Variants in IRF1 observed in about 807,000 individuals in gnomAD.
The protein encoded by IRF1 is interferon regulatory factor-1.
A neutral mutation model predicts 43.7 loss-of-function variants in IRF1; 13 were observed. That is an observed-to-expected ratio of 0.30 (90% CI 0.19 to 0.47). IRF1 has a LOEUF of 0.47. IRF1 is among the 20% of genes least tolerant of loss of function. The pLI, the probability that IRF1 is intolerant of heterozygous loss-of-function variation, is 0.99. For missense variants in IRF1, 236 were observed against 408.9 expected (o/e 0.58, Z 3.65); for synonymous variants, 138 against 146.8 (o/e 0.94, Z 0.43).
intron 7 of IRF1, chr5:132,486,045 A>G (rs1420396014): frequency 1.5e-6 from 1 of 675,012 alleles, no homozygotes; most frequent in African/African-American, 1.8e-5. Context: ...CCCTCCTCTC[A>G]CCAGCCCCCA....
intron 1 of IRF1, 155 bp from the exon 2 acceptor site, chr5:132,489,638 A>ACTGC (rs1156506535): frequency 3.3e-5 from 19 of 578,630 alleles, no homozygotes; most frequent in Non-Finnish European, 2.2e-5. Flanking sequence ...CTGGAATAAA[A>ACTGC]CTGCTCTCCA....
In IRF1 at chr5:132,484,365, CT is replaced by C; in HGVS notation, c.849del (p.Asp286IlefsTer4). ...SCKEEPEIDS[P>X]GGDIGLSLQR... Reference sequence around the variant, plus strand: ...TAAGGATCCAGGGCCTTCTTACCCCCTGGGCTGTCAATTTCTGGCTCCTCCT... The same window carrying C: ...TAAGGATCCAGGGCCTTCTTACCCCCGGGCTGTCAATTTCTGGCTCCTCCT... On this transcript the variant is annotated frameshift_variant, in exon 9 of 10. Coordinates refer to ENST00000245414, the MANE Select transcript of IRF1 (RefSeq NM_002198.3). LOFTEE classifies it high-confidence loss of function. 6.2e-7 allele frequency: 1 copy of C among 1,614,088 alleles called. No individual in the cohort carries two copies. The highest frequency in any genetic ancestry group is 8.5e-7 in the Non-Finnish European group (1 of 1,179,960).
rs1229852814 is a variant in IRF1 at position 132,482,310 on chromosome 5, C to G, written c.*1641G>C. 2 of 151,576 alleles carry G rather than the reference C, an allele frequency of 1.3e-5. No homozygotes were observed. Among genetic ancestry groups the G allele is most frequent in the Non-Finnish European group, 2.9e-5 (2 of 67,926 alleles). The allele number at this position is 151,576 out of a possible 1,614,324, so 9.4% of individuals were successfully genotyped here. On this transcript the variant is annotated 3_prime_UTR_variant, in exon 10 of 10. Transcript: ENST00000245414. The stretch of plus-strand genomic sequence containing the variant: ...CTCGGCTCACTGCAAGCTCTGCCTC[C>G]GGGGTTCATGCCATTCTCCTGCCTC...
chr5:132,482,197 C>G lies in IRF1; in HGVS notation c.*1754G>C, dbSNP rs372258267. ...CCTCCACAGTAGCTGGGATTACAGGCGCCCGCCACCAGGCCCGGCTAATTT... is the reference window on the plus strand; with the variant it reads ...CCTCCACAGTAGCTGGGATTACAGGGGCCCGCCACCAGGCCCGGCTAATTT... On this transcript the variant is annotated 3_prime_UTR_variant, in exon 10 of 10. Coordinates refer to ENST00000245414, the MANE Select transcript of IRF1 (RefSeq NM_002198.3). 2 of 151,566 alleles carry G rather than the reference C, an allele frequency of 1.3e-5. No homozygotes were observed. The highest frequency in any genetic ancestry group is 2.9e-5 in the Non-Finnish European group (2 of 68,002). 9.4% of individuals were successfully genotyped at this position (151,566 alleles called of 1,614,324 possible).
chr5:132,484,307 T>G, intron 9 of IRF1, 55 bp downstream of exon 9: 1 of 1,600,960 alleles, frequency 6.2e-7, no homozygotes, highest in Non-Finnish European at 8.5e-7. Flanking sequence ...GCTTTCTCCA[T>G]CCCTACGTGG....
chr5:132,486,093 C>T, intron 7 of IRF1, 158 bp downstream of exon 7: 1 of 963,336 alleles, frequency 1.0e-6, no homozygotes, highest in Non-Finnish European at 1.6e-6. Flanking sequence ...TTCCTAGTGT[C>T]CCCGTCGCTT....
In IRF1 at chr5:132,487,595, A is replaced by G. The variant is rs17848402; in HGVS notation, c.187+331T>C. The G allele has an allele frequency of 1.8e-3, 705 of 395,220 alleles. 8 individuals are homozygous for G. Among genetic ancestry groups the G allele is most frequent in the African/African-American group, 0.013 (662 of 49,228 alleles). The allele number at this position is 395,220 out of a possible 1,614,324, so 24.5% of individuals were successfully genotyped here. On this transcript the variant is annotated intron_variant, in intron 3 of 9. Transcript: ENST00000245414. ...GAGGCTTGGACCAAGGGCCTTGGTC[A>G]ACACGAAGAAAAAGGCAGACCTGGG...
chr5:132,483,699 C>T lies in IRF1; in HGVS notation c.*252G>A. 2.1e-6 allele frequency: 1 copy of T among 465,284 alleles called. No individual in the cohort carries two copies. The highest frequency in any genetic ancestry group is 2.5e-5 in the South Asian group (1 of 39,940). The allele number at this position is 465,284 out of a possible 1,614,324, so 28.8% of individuals were successfully genotyped here. A position where few individuals can be genotyped will look rare whatever the true frequency, so the allele number is the denominator to read the frequency against. ...CACTGACTCCTGTCCAAGTCCCTGACCTGATACACTGGTCTCAGAACCTCA... is the reference window on the plus strand; with the variant it reads ...CACTGACTCCTGTCCAAGTCCCTGATCTGATACACTGGTCTCAGAACCTCA... On this transcript the variant is annotated 3_prime_UTR_variant, in exon 10 of 10. Coordinates refer to ENST00000245414, the MANE Select transcript of IRF1 (RefSeq NM_002198.3).
rs1467095012 is a variant in IRF1 at position 132,485,825 on chromosome 5, T to A, written c.668-109A>T. The A allele has an allele frequency of 8.7e-5, 56 of 640,192 alleles. 1 individual carries two copies. The African/African-American group carries it at 1.5e-3, about 17-fold the overall frequency. 39.7% of individuals were successfully genotyped at this position (640,192 alleles called of 1,614,324 possible). ...TGCCCTTTCTCTGTCTCTCTGTCTC[T>A]CTGACACACACACACACACACACAC... is the stretch of plus-strand genomic sequence containing the variant. On this transcript the variant is annotated intron_variant, in intron 7 of 9. Coordinates refer to ENST00000245414, the MANE Select transcript of IRF1 (RefSeq NM_002198.3).
chr5:132,487,355 G>A (rs1754562292), intron 3 of IRF1: 1 of 563,122 alleles, frequency 1.8e-6, no homozygotes, highest in East Asian at 3.0e-5. Context: ...CCTCAGTGAA[G>A]GGCCCAGCCA....
At chr5:132,486,112 C>T in intron 7 of IRF1, 139 bp downstream of exon 7, 1 of 1,206,374 alleles carries the variant, frequency 8.3e-7, no homozygotes, top group Non-Finnish European at 1.2e-6. Context: ...TTGCCTCCCC[C>T]TATGGTGGCT....
intron 9 of IRF1, 93 bp from the exon 10 acceptor site, chr5:132,484,168 C>T (rs1465103538): frequency 2.6e-6 from 4 of 1,514,194 alleles, no homozygotes; most frequent in Non-Finnish European, 3.6e-6. Context: ...ATGGCCTCTG[C>T]TCTTCCCAGC....
At position 132,487,078 on chromosome 5, in the gene IRF1, G is replaced by A. The variant is rs1412592310; in HGVS notation, c.240C>T (p.Asn80=). 1.2e-6 allele frequency: 2 copies of A among 1,614,222 alleles called. No homozygotes were observed. Among genetic ancestry groups the A allele is most frequent in the Non-Finnish European group, 1.7e-6 (2 of 1,180,042 alleles). The change falls in exon 4 of 10, where the codon AAC becomes AAT. Residue 80 remains asparagine, a synonymous_variant. Coordinates refer to ENST00000245414, the MANE Select transcript of IRF1 (RefSeq NM_002198.3). ...KEPDPKTWKA[N]FRCAMNSLPD... is the part of the protein sequence containing the mutation. ...GCAGGGAGTTCATGGCACAGCGAAA[G>A]TTGGCCTTCCACGTCTTGGGATCTG...
rs1754435018 is a variant in IRF1 at position 132,483,302 on chromosome 5, G to A, written c.*649C>T. The A allele has an allele frequency of 2.0e-5, 3 of 152,664 alleles. No individual in the cohort carries two copies. The highest frequency in any genetic ancestry group is 3.8e-4 in the East Asian group (2 of 5,310). 9.5% of individuals were successfully genotyped at this position (152,664 alleles called of 1,614,324 possible). ...AAATAAATGCAAAGGCCAAGAGCTC[G>A]GGGGAAATGTTAGTGTACACCTCTG... is the stretch of plus-strand genomic sequence containing the variant. On this transcript the variant is annotated 3_prime_UTR_variant, in exon 10 of 10. Transcript: ENST00000245414.
chr5:132,485,537 C>T, intron 8 of IRF1, 130 bp downstream of exon 8: 1 of 808,002 alleles, frequency 1.2e-6, no homozygotes, highest in East Asian at 2.5e-5. Flanking sequence ...GAATGTGGCA[C>T]TTGTGGGACA....
Position 132,486,989 on chromosome 5 carries a change from C to T in IRF1, c.329G>A (p.Arg110Gln), listed in dbSNP as rs926976203. ...NKGSSAVRVY[R>Q]MLPPLTKNQR... ...GTTCTTGGTGAGAGGTGGAAGCATCCGGTACACTCGCACAGCTGAGCTGCC... is the reference window on the plus strand; with the variant it reads ...GTTCTTGGTGAGAGGTGGAAGCATCTGGTACACTCGCACAGCTGAGCTGCC... Residue 110 changes from arginine (R) to glutamine (Q), a missense_variant, in exon 4 of 10, where the codon CGG becomes CAG. Physicochemically the swap from Arg to Gln is conservative, Grantham distance 43. Transcript: ENST00000245414. 3 of 1,614,182 alleles carry T rather than the reference C, an allele frequency of 1.9e-6. No individual in the cohort carries two copies. Among genetic ancestry groups the T allele is most frequent in the South Asian group, 1.1e-5 (1 of 91,078 alleles).
At position 132,488,038 on chromosome 5, in the gene IRF1, C is replaced by T; in HGVS notation, c.88-13G>A. The T allele has an allele frequency of 1.3e-6, 2 of 1,582,734 alleles. No homozygotes were observed. The highest frequency in any genetic ancestry group is 1.7e-6 in the Non-Finnish European group (2 of 1,152,708). On this transcript the variant is annotated splice_polypyrimidine_tract_variant and intron_variant, in intron 2 of 9. Coordinates refer to ENST00000245414, the MANE Select transcript of IRF1 (RefSeq NM_002198.3). ...AGATCATCTCCTCCTGAACAATACACACATACACATAAGGCTGTGTCAGGT... is the reference window on the plus strand; with the variant it reads ...AGATCATCTCCTCCTGAACAATACATACATACACATAAGGCTGTGTCAGGT...
At position 132,482,064 on chromosome 5, in the gene IRF1, T is replaced by G. The variant is rs1182036018; in HGVS notation, c.*1887A>C. On this transcript the variant is annotated 3_prime_UTR_variant, in exon 10 of 10. Transcript: ENST00000245414. ...TGAACATAAACAAAAGGATTTTTTT[T>G]TTTTTGAGACAAAGTCTCACTCTTG... 1 of 152,092 alleles carries G rather than the reference T, an allele frequency of 6.6e-6. No homozygotes were observed. The highest frequency in any genetic ancestry group is 1.5e-5 in the Non-Finnish European group (1 of 68,026). The allele number at this position is 152,092 out of a possible 1,614,324, so 9.4% of individuals were successfully genotyped here.
rs1754437574 is a variant in IRF1 at position 132,483,406 on chromosome 5, T to C, written c.*545A>G. The stretch of plus-strand genomic sequence containing the variant: ...CCCTCAGCCAAAGCAGGGAGCAGGG[T>C]AGAGCTCCTCTGAGGCTGAGGGAGC... On this transcript the variant is annotated 3_prime_UTR_variant, in exon 10 of 10. Coordinates refer to ENST00000245414, the MANE Select transcript of IRF1 (RefSeq NM_002198.3). 6.5e-6 allele frequency: 1 copy of C among 153,318 alleles called. No homozygotes were observed. Among genetic ancestry groups the C allele is most frequent in the Non-Finnish European group, 1.5e-5 (1 of 68,386 alleles). 9.5% of individuals were successfully genotyped at this position (153,318 alleles called of 1,614,324 possible).
Sources: allele counts gnomAD v4.1 joint callset, GRCh38; gene constraint gnomAD v4.1.1; transcripts MANE v1.5; gene names NCBI Gene and HGNC (gene_info 2026-07-23, HGNC 2026-07-21).